ZCCHC7: variants seen among roughly 807,000 people sequenced by gnomAD.
ZCCHC7 encodes zinc finger CCHC domain-containing protein 7.
ZCCHC7 carries 35 observed loss-of-function variants against 52.0 expected under a neutral mutation model. That is an observed-to-expected ratio of 0.67 (90% CI 0.51 to 0.89). ZCCHC7 has a LOEUF of 0.89. Ranked by LOEUF, ZCCHC7 falls within the 40% of genes least tolerant of loss-of-function variation. The pLI, the probability that ZCCHC7 is intolerant of heterozygous loss-of-function variation, is 0.00. For missense variants in ZCCHC7, 574 were observed against 649.1 expected, an observed-to-expected ratio of 0.88 and a Z score of 1.26; for synonymous variants, 217 against 221.5, an observed-to-expected ratio of 0.98 and a Z score of 0.18.
At chr9:37,208,932 C>CTA (rs1454411179) in intron 2 of ZCCHC7, among the ~76,000 whole-genome samples, 1 of 152,178 alleles carries the variant, frequency 6.6e-6, no homozygotes, top group African/African-American at 2.4e-5. Flanking sequence ...ATACTATCAC[C>CTA]TATCAATGCT....
intron 2 of ZCCHC7, among the ~76,000 whole-genome samples, chr9:37,213,996 G>A (rs991847996): frequency 8.6e-5 from 13 of 151,868 alleles, no homozygotes; most frequent in Non-Finnish European, 1.6e-4. Context: ...TCGCTCAATG[G>A]TGTGTATGTG....
intron 6 of ZCCHC7, among the ~76,000 whole-genome samples, chr9:37,335,585 C>G (rs1830614652): frequency 6.6e-6 from 1 of 152,076 alleles, no homozygotes; most frequent in Non-Finnish European, 1.5e-5. Flanking sequence ...TACAGCAAAC[C>G]CAAAGGCATC....
chr9:37,348,220 G>C (rs1343306577), intron 6 of ZCCHC7, among the ~76,000 whole-genome samples: 1 of 152,040 alleles, frequency 6.6e-6, no homozygotes, highest in African/African-American at 2.4e-5. Flanking sequence ...CTCTAAACTT[G>C]CTCCTCTTTC....
intron 2 of ZCCHC7, among the ~76,000 whole-genome samples, chr9:37,149,289 A>G (rs1277164587): frequency 6.6e-6 from 1 of 152,196 alleles, no homozygotes; most frequent in Non-Finnish European, 1.5e-5. Context: ...GGTGTTTCCA[A>G]AGAAATTTGG....
intron 2 of ZCCHC7, chr9:37,186,760 T>C (rs1414823562): frequency 1.8e-6 from 1 of 562,244 alleles, no homozygotes. Flanking sequence ...AAAGATGGAA[T>C]GATTCATTTC....
At chr9:37,345,689 C>T (rs965909932) in intron 6 of ZCCHC7, among the ~76,000 whole-genome samples, 1 of 149,290 alleles carries the variant, frequency 6.7e-6, no homozygotes, top group Non-Finnish European at 1.5e-5. Context: ...CACTGTGCTG[C>T]AGCCTGAGTG....
intron 5 of ZCCHC7, among the ~76,000 whole-genome samples, chr9:37,305,941 C>T (rs1829282208): frequency 6.6e-6 from 1 of 151,844 alleles, no homozygotes; most frequent in African/African-American, 2.4e-5. Flanking sequence ...AAGACAGCAT[C>T]AAGAGATAGC....
intron 2 of ZCCHC7, among the ~76,000 whole-genome samples, chr9:37,211,149 C>T (rs1024704122): frequency 2.6e-5 from 4 of 152,134 alleles, no homozygotes; most frequent in African/African-American, 7.2e-5. Context: ...TTAAGTGTTT[C>T]GCATGATCAA....
At chr9:37,182,305 T>C (rs929653075) in intron 2 of ZCCHC7, among the ~76,000 whole-genome samples, 3 of 152,156 alleles carry the variant, frequency 2.0e-5, no homozygotes, top group African/African-American at 7.2e-5. Context: ...TATTTTTGCT[T>C]ATTTTTTTAC....
Position 37,314,788 on chromosome 9 carries a change from T to C in ZCCHC7, c.951+9074T>C, listed in dbSNP as rs926914757. Among the ~76,000 whole-genome samples the C allele has an allele frequency of 2.0e-5, 3 of 151,562 alleles. No individual in the cohort carries two copies. In the East Asian group the frequency reaches 5.8e-4, roughly 29 times the overall value. On this transcript the variant is annotated intron_variant, in intron 5 of 8. Coordinates refer to ENST00000336755, the MANE Select transcript of ZCCHC7 (RefSeq NM_032226.3). ...AAAAAAAGTATACATTCCAGACAGC[T>C]TTCTGATTGGGTTTTGAAAATCTCC...
At chr9:37,125,873 T>G (rs1328248946) in intron 1 of ZCCHC7, among the ~76,000 whole-genome samples, 4 of 152,266 alleles carry the variant, frequency 2.6e-5, no homozygotes, top group Admixed American at 2.6e-4. Flanking sequence ...TATGTTTAGA[T>G]ACCCAAATAC....
intron 2 of ZCCHC7, among the ~76,000 whole-genome samples, chr9:37,232,273 G>A (rs968530038): frequency 6.6e-6 from 1 of 152,158 alleles, no homozygotes; most frequent in African/African-American, 2.4e-5. Context: ...CAAAATTTAG[G>A]AAGCTATGGA....
At chr9:37,298,543 A>G (rs1467003213) in intron 2 of ZCCHC7, among the ~76,000 whole-genome samples, 1 of 152,222 alleles carries the variant, frequency 6.6e-6, no homozygotes, top group Non-Finnish European at 1.5e-5. Context: ...TACATAACGT[A>G]TAATTCCATA....
chr9:37,357,301 TG>T lies in ZCCHC7; in HGVS notation c.*34del. The T allele has an allele frequency of 6.5e-7, 1 of 1,546,400 alleles. No individual in the cohort carries two copies. Among genetic ancestry groups the T allele is most frequent in the Non-Finnish European group, 8.7e-7 (1 of 1,153,560 alleles). On this transcript the variant is annotated 3_prime_UTR_variant, in exon 9 of 9. Transcript: ENST00000336755. ...GGCAGCCTCTGATGTGGCTTTTCATTGTTCATTTGGCCTTTGTGTCTATAAC... is the reference window on the plus strand; with the variant it reads ...GGCAGCCTCTGATGTGGCTTTTCATTTTCATTTGGCCTTTGTGTCTATAAC...
chr9:37,261,685 A>T (rs150205603), intron 2 of ZCCHC7, among the ~76,000 whole-genome samples: 1 of 151,936 alleles, frequency 6.6e-6, no homozygotes, highest in East Asian at 1.9e-4. Context: ...TGGAAGTACT[A>T]CTTTAAACTT....
At chr9:37,310,958 TTAA>T (rs1829569916) in intron 5 of ZCCHC7, among the ~76,000 whole-genome samples, 1 of 132,770 alleles carries the variant, frequency 7.5e-6, no homozygotes, top group Non-Finnish European at 1.6e-5. Flanking sequence ...CTCTCTCTTT[TTAA>T]AAAAAAAAAA....
At chr9:37,211,428 T>G (rs776240647) in intron 2 of ZCCHC7, among the ~76,000 whole-genome samples, 8 of 152,212 alleles carry the variant, frequency 5.3e-5, no homozygotes, top group Non-Finnish European at 7.3e-5. Flanking sequence ...CAAGATAGAT[T>G]ACATTATACA....
intron 2 of ZCCHC7, among the ~76,000 whole-genome samples, chr9:37,242,156 TA>T (rs1485214571): frequency 9.9e-5 from 15 of 151,788 alleles, no homozygotes; most frequent in Admixed American, 9.2e-4. Context: ...AAGGAAATCA[TA>T]ACTGCTTATT....
chr9:37,271,719 G>A (rs572062358), intron 2 of ZCCHC7, among the ~76,000 whole-genome samples: 18 of 152,056 alleles, frequency 1.2e-4, no homozygotes, highest in African/African-American at 2.4e-4. Context: ...GTGGGGGTGC[G>A]CCAACATGCC....
Sources: allele counts gnomAD v4.1 joint callset (sites outside exome capture counted in the v4.1 genomes callset), GRCh38; gene constraint gnomAD v4.1.1; transcripts MANE v1.5; gene names NCBI Gene and HGNC (gene_info 2026-07-23, HGNC 2026-07-21).